Variants in CCDC73 observed in about 807,000 individuals in gnomAD.
The protein encoded by CCDC73 is coiled-coil domain containing 73.
Under a neutral mutation model 116.5 loss-of-function variants are expected in CCDC73, and 95 were observed. The observed-to-expected ratio is 0.82, with a 90% CI of 0.69 to 0.97. The LOEUF is 0.97. Among genes scored for constraint, CCDC73 ranks in the 50% least tolerant of loss-of-function variants. CCDC73 has a pLI of 0.00. For synonymous variants in CCDC73, 398 were observed against 401.3 expected, an observed-to-expected ratio of 0.99 and a Z score of 0.10; for missense variants, 1,066 against 1,206.8, an observed-to-expected ratio of 0.88 and a Z score of 1.73.
intron 14 of CCDC73, among the ~76,000 whole-genome samples, chr11:32,623,470 C>A (rs1855541090): frequency 6.6e-6 from 1 of 152,140 alleles, no homozygotes; most frequent in Non-Finnish European, 1.5e-5. Flanking sequence ...GCTCCTCTTA[C>A]CTCCCTAGTA....
chr11:32,630,594 C>T (rs1855623043), intron 14 of CCDC73, among the ~76,000 whole-genome samples: 1 of 152,208 alleles, frequency 6.6e-6, no homozygotes, highest in Non-Finnish European at 1.5e-5. Context: ...CCACTTGGCT[C>T]AACCTCCCAA....
chr11:32,759,704 C>T (rs926735), intron 2 of CCDC73, among the ~76,000 whole-genome samples: 35,228 of 152,118 alleles, frequency 0.23, 5,515 homozygotes, highest in East Asian at 0.79. Flanking sequence ...TATTTTGTCA[C>T]TTAATCATAT....
chr11:32,785,007 C>T (rs1456035043), intron 1 of CCDC73, among the ~76,000 whole-genome samples: 1 of 152,044 alleles, frequency 6.6e-6, no homozygotes, highest in East Asian at 1.9e-4. Context: ...AACCCCATCT[C>T]TACTAAAAAT....
At chr11:32,704,368 G>A (rs1434506122) in intron 3 of CCDC73, among the ~76,000 whole-genome samples, 1 of 152,232 alleles carries the variant, frequency 6.6e-6, no homozygotes, top group East Asian at 1.9e-4. Flanking sequence ...GCCAAGCCTG[G>A]GCAATGTCGC....
chr11:32,717,730 A>T (rs1259321561), intron 3 of CCDC73, among the ~76,000 whole-genome samples: 4 of 152,250 alleles, frequency 2.6e-5, no homozygotes, highest in Non-Finnish European at 5.9e-5. Flanking sequence ...ACTGCTACAA[A>T]GAACTGCCCA....
intron 14 of CCDC73, among the ~76,000 whole-genome samples, chr11:32,618,487 C>G (rs911721703): frequency 1.3e-5 from 2 of 152,188 alleles, no homozygotes; most frequent in Non-Finnish European, 2.9e-5. Context: ...TTCCCACCAA[C>G]AGCATATAAG....
At chr11:32,721,889 G>T (rs1020639141) in intron 2 of CCDC73, among the ~76,000 whole-genome samples, 45 of 152,178 alleles carry the variant, frequency 3.0e-4, no homozygotes, top group African/African-American at 1.1e-3. Context: ...GAGCCACCGT[G>T]CCCAGCCTAT....
At chr11:32,755,619 ATATATATATCTCCATATATATGTG>A (rs1850329816) in intron 2 of CCDC73, among the ~76,000 whole-genome samples, 1 of 112,810 alleles carries the variant, frequency 8.9e-6, no homozygotes, top group African/African-American at 3.4e-5. Flanking sequence ...ATGTGTGTGT[ATATATATATCTCCATATATATGTG>A]TATATATATA....
intron 1 of CCDC73, among the ~76,000 whole-genome samples, chr11:32,776,986 CATGTATATAT>C (rs1164081849): frequency 0.022 from 2,078 of 95,740 alleles, 62 homozygotes; most frequent in Admixed American, 0.044. Flanking sequence ...TATATATACA[CATGTATATAT>C]ATATATATAT....
chr11:32,661,857 C>G (rs1300841990), intron 9 of CCDC73, among the ~76,000 whole-genome samples: 3 of 151,828 alleles, frequency 2.0e-5, no homozygotes, highest in African/African-American at 4.8e-5. Context: ...ACAACAGTCC[C>G]CGGAGTGTGA....
chr11:32,754,587 C>T (rs1274826371), intron 2 of CCDC73, among the ~76,000 whole-genome samples: 1 of 152,024 alleles, frequency 6.6e-6, no homozygotes, highest in South Asian at 2.1e-4. Context: ...AAATAAAGAT[C>T]ATCAATGACA....
chr11:32,627,842 G>A (rs1484797834), intron 14 of CCDC73, among the ~76,000 whole-genome samples: 1 of 152,110 alleles, frequency 6.6e-6, no homozygotes, highest in African/African-American at 2.4e-5. Context: ...AGCGGGGAGG[G>A]ATAGCATTAG....
chr11:32,624,716 C>T (rs1405659421), intron 14 of CCDC73, among the ~76,000 whole-genome samples: 6 of 152,206 alleles, frequency 3.9e-5, no homozygotes, highest in Admixed American at 6.5e-5. Flanking sequence ...TATAAAGATA[C>T]GTGCACACGT....
At position 32,639,465 on chromosome 11, in the gene CCDC73, T is replaced by A. The variant is rs1855713020; in HGVS notation, c.1050+2507A>T. Among the ~76,000 whole-genome samples the A allele has an allele frequency of 2.0e-5, 3 of 151,966 alleles. No individual in the cohort carries two copies. In the South Asian group the frequency reaches 6.2e-4, roughly 32 times the overall value. The stretch of plus-strand genomic sequence containing the variant: ...TTGAATTCTTTTTTTTCCTTTTTTT[T>A]TTGAGATGGAGTCTCACTCTGTTGC... On this transcript the variant is annotated intron_variant, in intron 13 of 17. Transcript: ENST00000335185.
intron 17 of CCDC73, among the ~76,000 whole-genome samples, chr11:32,606,852 C>A (rs1855358151): frequency 7.0e-6 from 1 of 143,002 alleles, no homozygotes; most frequent in Non-Finnish European, 1.5e-5. Context: ...ACTCTGTCAC[C>A]CAGGCTGGAG....
At chr11:32,704,994 C>T (rs186354653) in intron 3 of CCDC73, among the ~76,000 whole-genome samples, 2 of 152,326 alleles carry the variant, frequency 1.3e-5, no homozygotes, top group East Asian at 3.9e-4. Context: ...TCAGAACCCA[C>T]CAGATGGCAG....
intron 1 of CCDC73, among the ~76,000 whole-genome samples, chr11:32,783,640 AT>A (rs1041105593): frequency 1.2e-4 from 18 of 150,948 alleles, no homozygotes; most frequent in African/African-American, 3.7e-4. Context: ...TTTTATTTTT[AT>A]TTTTTTTTCC....
At chr11:32,621,323 A>G (rs941824404) in intron 14 of CCDC73, among the ~76,000 whole-genome samples, 4 of 152,186 alleles carry the variant, frequency 2.6e-5, no homozygotes, top group African/African-American at 9.7e-5. Context: ...ACCAAAACAG[A>G]CATACAGACC....
intron 1 of CCDC73, 66 bp from the exon 2 acceptor site, chr11:32,760,324 C>T: frequency 1.2e-5 from 11 of 937,102 alleles, no homozygotes; most frequent in Non-Finnish European, 1.6e-5. Flanking sequence ...AGCATAGTTA[C>T]CATAAAAATA....
Sources: gnomAD v4.1 joint callset for allele counts (sites outside exome capture counted in the v4.1 genomes callset) on GRCh38, gnomAD v4.1.1 for gene constraint, MANE v1.5 for transcripts, NCBI Gene and HGNC (gene_info 2026-07-23, HGNC 2026-07-21) for gene names.